PIK3C2G: variants seen among roughly 807,000 people sequenced by gnomAD.
The protein encoded by PIK3C2G is phosphatidylinositol 3-kinase C2 domain-containing subunit gamma.
PIK3C2G carries 168 observed loss-of-function variants against 181.1 expected under a neutral mutation model. The ratio of observed to expected loss-of-function variants is 0.93; its 90% CI spans 0.82 to 1.05. PIK3C2G has a LOEUF of 1.05. Ranked by LOEUF, PIK3C2G falls within the 50% of genes least tolerant of loss-of-function variation. The pLI, the probability that PIK3C2G is intolerant of heterozygous loss-of-function variation, is 0.00. For missense variants in PIK3C2G, 1,869 were observed against 1,732.8 expected, an observed-to-expected ratio of 1.08 and a Z score of -1.40; for synonymous variants, 573 against 592.2, an observed-to-expected ratio of 0.97 and a Z score of 0.47.
intron 11 of PIK3C2G, among the ~76,000 whole-genome samples, chr12:18,352,965 G>A (rs537423464): frequency 1.3e-5 from 2 of 152,142 alleles, no homozygotes; most frequent in Non-Finnish European, 2.9e-5. Flanking sequence ...GGGTTTTTCT[G>A]GGTATAGGAT....
intron 13 of PIK3C2G, among the ~76,000 whole-genome samples, chr12:18,377,271 C>T (rs1942515119): frequency 6.6e-6 from 1 of 152,150 alleles, no homozygotes; most frequent in Admixed American, 6.5e-5. Flanking sequence ...ACCAGCCCAT[C>T]TGTTCTCCTG....
In PIK3C2G at chr12:18,457,100, G is replaced by A. The variant is rs142828758; in HGVS notation, c.2505-31349G>A. On this transcript the variant is annotated intron_variant, in intron 18 of 32. Coordinates refer to ENST00000538779, the MANE Select transcript of PIK3C2G (RefSeq NM_001288772.2). ...AAAAGGAACAATAAGGGTAGACTGG[G>A]ATAGAGAAACTGGCTGGGAGGAGAC... 2.3e-3 allele frequency among the ~76,000 whole-genome samples: 353 copies of A among 152,246 alleles called. 3 individuals carry two copies. Among genetic ancestry groups the A allele is most frequent in the African/African-American group, 8.2e-3 (340 of 41,540 alleles).
intron 29 of PIK3C2G, among the ~76,000 whole-genome samples, chr12:18,570,817 A>T (rs11044190): frequency 0.014 from 2,186 of 150,792 alleles, 205 homozygotes; most frequent in African/African-American, 0.052. Flanking sequence ...AGGTAGTTGT[A>T]TAAGAAAGAT....
chr12:18,316,563 C>T (rs111725514), intron 6 of PIK3C2G, among the ~76,000 whole-genome samples: 3,545 of 152,154 alleles, frequency 0.023, 54 homozygotes, highest in African/African-American at 0.043. Flanking sequence ...GATAATTCAG[C>T]AACTCATAGG....
intron 31 of PIK3C2G, among the ~76,000 whole-genome samples, chr12:18,626,462 T>TA (rs1414118491): frequency 6.6e-6 from 1 of 152,004 alleles, no homozygotes; most frequent in East Asian, 1.9e-4. Flanking sequence ...GTTATAGTCT[T>TA]AAGAGTGTTC....
the PIK3C2G span, chr12:18,699,756 A>T: frequency 1.3e-6 from 2 of 1,583,462 alleles, no homozygotes; most frequent in Non-Finnish European, 1.7e-6. Flanking sequence ...AATCTAACTC[A>T]TTTAAACATT....
intron 29 of PIK3C2G, among the ~76,000 whole-genome samples, chr12:18,570,336 G>GATATAGATAGA (rs1555132238): frequency 4.6e-5 from 7 of 150,928 alleles, no homozygotes; most frequent in Admixed American, 6.6e-5. Flanking sequence ...AGCCTCCCCA[G>GATATAGATAGA]TAGCTGGGAT....
the PIK3C2G span, among the ~76,000 whole-genome samples, chr12:18,697,533 A>T: frequency 6.6e-6 from 1 of 152,138 alleles, no homozygotes; most frequent in African/African-American, 2.4e-5. Flanking sequence ...TATTTCTGAG[A>T]TTAACCTTTA....
chr12:18,562,309 T>C (rs916030630), intron 26 of PIK3C2G, among the ~76,000 whole-genome samples: 22 of 152,140 alleles, frequency 1.4e-4, no homozygotes, highest in Non-Finnish European at 3.1e-4. Context: ...TTTTTTTGTA[T>C]TTTTAGTAGA....
chr12:18,262,314 A>G (rs1948277537), intron 1 of PIK3C2G, among the ~76,000 whole-genome samples: 1 of 152,122 alleles, frequency 6.6e-6, no homozygotes, highest in Non-Finnish European at 1.5e-5. Flanking sequence ...ATCATAATAT[A>G]TAACTTGTAC....
intron 18 of PIK3C2G, among the ~76,000 whole-genome samples, chr12:18,426,293 G>A (rs1295144096): frequency 6.6e-6 from 1 of 152,040 alleles, no homozygotes; most frequent in African/African-American, 2.4e-5. Context: ...TTTATGTTAG[G>A]ATTAAGTGTG....
chr12:18,586,057 A>G (rs1447774007), intron 29 of PIK3C2G, among the ~76,000 whole-genome samples: 1 of 152,192 alleles, frequency 6.6e-6, no homozygotes, highest in African/African-American at 2.4e-5. Flanking sequence ...CAGTGTTAAG[A>G]GGGACATTTA....
chr12:18,709,912 T>A, the PIK3C2G span, among the ~76,000 whole-genome samples: 1 of 152,080 alleles, frequency 6.6e-6, no homozygotes, highest in Non-Finnish European at 1.5e-5. Context: ...ATGTCATTTT[T>A]ATACTATTGT....
At chr12:18,439,449 A>G (rs1592262712) in intron 18 of PIK3C2G, among the ~76,000 whole-genome samples, 1 of 152,176 alleles carries the variant, frequency 6.6e-6, no homozygotes, top group Non-Finnish European at 1.5e-5. Flanking sequence ...TTAATGTATT[A>G]ACCTTATTAC....
chr12:18,409,082 A>G (rs1413204414), intron 16 of PIK3C2G, among the ~76,000 whole-genome samples: 1 of 152,196 alleles, frequency 6.6e-6, no homozygotes, highest in Non-Finnish European at 1.5e-5. Flanking sequence ...ATTCTACTAT[A>G]AAGACACATG....
At chr12:18,282,798 A>T in intron 2 of PIK3C2G, 39 bp downstream of exon 2, 2 of 1,280,368 alleles carry the variant, frequency 1.6e-6, no homozygotes, top group Non-Finnish European at 2.2e-6. Flanking sequence ...TATGAATCTG[A>T]AAGAATCATT....
At chr12:18,639,562 C>A (rs905504600) in intron 31 of PIK3C2G, among the ~76,000 whole-genome samples, 20 of 152,122 alleles carry the variant, frequency 1.3e-4, no homozygotes, top group African/African-American at 4.8e-4. Context: ...TACAGTTGGT[C>A]AAGATCACAA....
intron 18 of PIK3C2G, among the ~76,000 whole-genome samples, chr12:18,481,404 T>C (rs1939549102): frequency 6.6e-6 from 1 of 152,184 alleles, no homozygotes; most frequent in South Asian, 2.1e-4. Flanking sequence ...CTGCTCAACA[T>C]AGTTTTTTCC....
chr12:18,274,492 G>A (rs541294926), intron 1 of PIK3C2G, among the ~76,000 whole-genome samples: 1 of 152,132 alleles, frequency 6.6e-6, no homozygotes, highest in Non-Finnish European at 1.5e-5. Flanking sequence ...GATGAGTTCA[G>A]ATCCTTTGTA....
Sources: gnomAD v4.1 joint callset for allele counts (sites outside exome capture counted in the v4.1 genomes callset) on GRCh38, gnomAD v4.1.1 for gene constraint, MANE v1.5 for transcripts, NCBI Gene and HGNC (gene_info 2026-07-23, HGNC 2026-07-21) for gene names.